CNOT4: variants seen among roughly 807,000 people sequenced by gnomAD.
CNOT4 encodes CCR4-NOT transcription complex subunit 4.
CNOT4 carries 8 observed loss-of-function variants against 73.8 expected under a neutral mutation model. The observed-to-expected ratio is 0.11, with a 90% CI of 0.06 to 0.20. The LOEUF (loss-of-function observed/expected upper bound fraction) is 0.20. Ranked by LOEUF, CNOT4 falls within the 10% of genes least tolerant of loss-of-function variation. The probability of loss-of-function intolerance (pLI) is 1.00; values close to 1 mark genes in which losing one functional copy is unlikely to be tolerated. For missense variants in CNOT4, 564 were observed against 883.4 expected (o/e 0.64, Z 4.58); for synonymous variants, 293 against 321.1 (o/e 0.91, Z 0.94).
At chr7:135,379,390 A>G (rs1487517383) in intron 10 of CNOT4, among the ~76,000 whole-genome samples, 1 of 152,198 alleles carries the variant, frequency 6.6e-6, no homozygotes. Context: ...AGAAATCAAG[A>G]TATGTTACAC....
intron 1 of CNOT4, among the ~76,000 whole-genome samples, chr7:135,439,382 T>C (rs2129485371): frequency 6.6e-6 from 1 of 152,358 alleles, no homozygotes; most frequent in South Asian, 2.1e-4. Context: ...GAATTTGCCC[T>C]GTCACATACT....
At chr7:135,370,477 C>T (rs986228900) in intron 10 of CNOT4, among the ~76,000 whole-genome samples, 4 of 152,152 alleles carry the variant, frequency 2.6e-5, no homozygotes, top group African/African-American at 9.7e-5. Context: ...TCTCTTCCAC[C>T]GGCCAGCACT....
intron 1 of CNOT4, among the ~76,000 whole-genome samples, chr7:135,483,920 G>C (rs999668881): frequency 2.0e-5 from 3 of 152,180 alleles, no homozygotes; most frequent in Admixed American, 2.0e-4. Context: ...GCCAGGCGTG[G>C]TGGCCCACGC....
At chr7:135,505,059 C>A (rs1804274201) in intron 1 of CNOT4, among the ~76,000 whole-genome samples, 1 of 152,166 alleles carries the variant, frequency 6.6e-6, no homozygotes, top group Non-Finnish European at 1.5e-5. Flanking sequence ...AAATTCTACT[C>A]CATAATTGCT....
intron 1 of CNOT4, among the ~76,000 whole-genome samples, chr7:135,485,136 G>A (rs1457137097): frequency 2.6e-5 from 4 of 152,092 alleles, no homozygotes; most frequent in Non-Finnish European, 5.9e-5. Context: ...GCAGTGGCAC[G>A]ATCTTGGCTC....
intron 10 of CNOT4, among the ~76,000 whole-genome samples, chr7:135,367,366 AT>A (rs1273250080): frequency 6.6e-6 from 1 of 152,184 alleles, no homozygotes; most frequent in African/African-American, 2.4e-5. Flanking sequence ...TTCAACGTGT[AT>A]AAGTCAGCAG....
chr7:135,363,275 A>G lies in CNOT4; in HGVS notation c.1841-89T>C, dbSNP rs1735135655. The stretch of plus-strand genomic sequence containing the variant: ...AACAAATTTAGAAAGCAAAACCAAA[A>G]GGAAAGACAGAAGAGATTACAATTT... On this transcript the variant is annotated intron_variant, in intron 11 of 11. Transcript: ENST00000541284. This position sits in a 1 kb window ranked among gnomAD's most constrained non-coding sequence, Gnocchi z 4.3. The G allele has an allele frequency of 1.6e-6, 2 of 1,218,080 alleles. No individual in the cohort carries two copies. Among genetic ancestry groups the G allele is most frequent in the Non-Finnish European group, 2.4e-6 (2 of 838,810 alleles). The allele number at this position is 1,218,080 out of a possible 1,614,324, so 75.5% of individuals were successfully genotyped here. A position where few individuals can be genotyped will look rare whatever the true frequency, so the allele number is the denominator to read the frequency against.
rs1301266252 is a variant in CNOT4, at chr7:135,509,966, TC to T, written c.-171del. 1 of 398,894 alleles carries T rather than the reference TC, an allele frequency of 2.5e-6. No individual in the cohort carries two copies. The highest frequency in any genetic ancestry group is 2.1e-5 in the African/African-American group (1 of 48,548). The allele number at this position is 398,894 out of a possible 1,614,324, so 24.7% of individuals were successfully genotyped here. ...CTCACAAGAAACCACCGAACGAGCG[TC>T]GGGGAAAAAACTCTTCAGAACCGGG... is the stretch of plus-strand genomic sequence containing the variant. On this transcript the variant is annotated 5_prime_UTR_variant, in exon 1 of 12. Coordinates refer to ENST00000541284, the MANE Select transcript of CNOT4 (RefSeq NM_001190850.2).
chr7:135,377,204 A>G lies in CNOT4; in HGVS notation c.1628-13138T>C, dbSNP rs529564546. ...AAATTAAGGCTGGGGAAACTTAAACACACATTACTAAGTGGAAGAAGACAA... is the reference window on the plus strand; with the variant it reads ...AAATTAAGGCTGGGGAAACTTAAACGCACATTACTAAGTGGAAGAAGACAA... On this transcript the variant is annotated intron_variant, in intron 10 of 11. Transcript: ENST00000541284. 3.9e-4 allele frequency among the ~76,000 whole-genome samples: 60 copies of G among 152,382 alleles called. No individual in the cohort carries two copies. The East Asian group carries it at 0.01, about 26-fold the overall frequency.
At chr7:135,431,198 T>C (rs1798814970) in intron 2 of CNOT4, among the ~76,000 whole-genome samples, 2 of 152,178 alleles carry the variant, frequency 1.3e-5, no homozygotes, top group Admixed American at 6.5e-5. Context: ...CCAGGAGTTC[T>C]AGACTGCAGT....
At chr7:135,388,340 T>C in intron 10 of CNOT4, 1 of 984,460 alleles carries the variant, frequency 1.0e-6, no homozygotes. Flanking sequence ...GTTTTATATG[T>C]ATTCTTTCTT....
intron 1 of CNOT4, among the ~76,000 whole-genome samples, chr7:135,504,877 C>G (rs1457710985): frequency 6.6e-6 from 1 of 152,048 alleles, no homozygotes; most frequent in South Asian, 2.1e-4. Flanking sequence ...ATCTGCCCAC[C>G]TCGGCCTCCC....
At chr7:135,393,821 A>G (rs1796528160) in intron 10 of CNOT4, 97 bp downstream of exon 10, 8 of 786,650 alleles carry the variant, frequency 1.0e-5, no homozygotes, top group Admixed American at 2.3e-5. Context: ...TTTCCAAGAT[A>G]TTAGTACTCT....
At chr7:135,426,470 G>T (rs1563043108) in intron 2 of CNOT4, among the ~76,000 whole-genome samples, 1 of 151,960 alleles carries the variant, frequency 6.6e-6, no homozygotes, top group Non-Finnish European at 1.5e-5. Context: ...GGGTGTGGTG[G>T]TGGGCACCTG....
chr7:135,427,958 T>A (rs1180564351), intron 2 of CNOT4, among the ~76,000 whole-genome samples: 1 of 152,094 alleles, frequency 6.6e-6, no homozygotes, highest in African/African-American at 2.4e-5. Flanking sequence ...CAAGATAGGT[T>A]CCATGATAAG....
Position 135,365,769 on chromosome 7 carries a change from G to A in CNOT4, c.1628-1703C>T, listed in dbSNP as rs559818855. The stretch of plus-strand genomic sequence containing the variant: ...GTGTCCACTGGCCATGATTAGCAGA[G>A]AGATATTGTGACTAAAGGAAGAAAC... On this transcript the variant is annotated intron_variant, in intron 10 of 11. Coordinates refer to ENST00000541284, the MANE Select transcript of CNOT4 (RefSeq NM_001190850.2). Among the ~76,000 whole-genome samples, 47 of 152,312 alleles carry A rather than the reference G, an allele frequency of 3.1e-4. 1 individual carries two copies. The highest frequency in any genetic ancestry group is 6.8e-3 in the Middle Eastern group (2 of 294).
At chr7:135,434,541 G>A (rs1799037087) in intron 2 of CNOT4, among the ~76,000 whole-genome samples, 1 of 152,300 alleles carries the variant, frequency 6.6e-6, no homozygotes, top group East Asian at 1.9e-4. Context: ...CTGTAATCTG[G>A]ATTTCTTTTT....
chr7:135,413,852 A>G (rs1156755598), intron 5 of CNOT4, among the ~76,000 whole-genome samples: 1 of 152,074 alleles, frequency 6.6e-6, no homozygotes, highest in African/African-American at 2.4e-5. Context: ...TTGGACACCC[A>G]AATCTTCCCT....
chr7:135,405,826 T>C (rs1160108295), intron 7 of CNOT4, among the ~76,000 whole-genome samples: 2 of 152,318 alleles, frequency 1.3e-5, no homozygotes, highest in East Asian at 3.9e-4. Context: ...GTACTCTGGC[T>C]TAATTGAAAA....
Sources: gnomAD v4.1 joint callset for allele counts (sites outside exome capture counted in the v4.1 genomes callset) on GRCh38, gnomAD v4.1.1 for gene constraint, Gnocchi (gnomAD v3.1) non-coding constraint, MANE v1.5 for transcripts, NCBI Gene and HGNC (gene_info 2026-07-23, HGNC 2026-07-21) for gene names.